The following ABHD6 variants were observed in gnomAD, a reference collection of about 807,000 sequenced individuals.
ABHD6 encodes the protein monoacylglycerol lipase ABHD6.
In ABHD6, 33 loss-of-function variants were observed where a neutral mutation model predicts 38.8. The ratio of observed to expected loss-of-function variants is 0.85; its 90% confidence interval spans 0.64 to 1.14. The LOEUF is 1.14. Ranked by LOEUF, ABHD6 falls within the 50% of genes most tolerant of loss-of-function variation. ABHD6 has a pLI of 0.00. For synonymous variants in ABHD6, 147 were observed against 161.6 expected (o/e 0.91, Z 0.69); for missense variants, 380 against 422.6 (o/e 0.90, Z 0.88).
At chr3:58,270,763 A>G (rs2097444264) in intron 5 of ABHD6, among the ~76,000 whole-genome samples, 169 bp from the exon 6 acceptor site, 1 of 152,238 alleles carries the variant, frequency 6.6e-6, no homozygotes, top group Admixed American at 6.5e-5. Context: ...AGAGAAGTCC[A>G]TGCATGCCAC....
chr3:58,289,601 A>G (rs1249184924), intron 9 of ABHD6, among the ~76,000 whole-genome samples: 3 of 152,188 alleles, frequency 2.0e-5, no homozygotes, highest in East Asian at 1.9e-4. Flanking sequence ...CTTTCTTAGT[A>G]CAGAACAAAA....
rs1157539104 is a variant in ABHD6 at position 58,263,081 on chromosome 3, G to T, written c.120-4108G>T. 6.6e-6 allele frequency among the ~76,000 whole-genome samples: 1 copy of T among 151,992 alleles called. No individual in the cohort carries two copies. Among genetic ancestry groups the T allele is most frequent in the African/African-American group, 2.4e-5 (1 of 41,364 alleles). ...AAATTAGCCAGGCGTGGTGGCACGC[G>T]CCTGTAGTCCCAGCTACTTGGGAGG... On this transcript the variant is annotated intron_variant, in intron 3 of 9. Coordinates refer to ENST00000478253, the MANE Select transcript of ABHD6 (RefSeq NM_001320126.2). This position sits in a 1 kb window ranked among gnomAD's most constrained non-coding sequence, Gnocchi z 4.9.
intron 7 of ABHD6, among the ~76,000 whole-genome samples, chr3:58,277,518 C>T (rs1482159413): frequency 3.9e-5 from 6 of 152,150 alleles, no homozygotes; most frequent in South Asian, 2.1e-4. Context: ...GGGGCTGAGA[C>T]GATGGGATTT....
chr3:58,269,549 A>C lies in ABHD6; in HGVS notation c.390+115A>C, dbSNP rs2097443358. On this transcript the variant is annotated intron_variant, in intron 5 of 9. Coordinates refer to ENST00000478253, the MANE Select transcript of ABHD6 (RefSeq NM_001320126.2). The surrounding 1 kb of genome is among the most constrained non-coding windows in gnomAD (Gnocchi z 4.4). ...CTACCTCATGACCAGTCTCCTGTAC[A>C]TTCTGTCTACAAGTGATGGCAAGCC... 1 of 785,988 alleles carries C rather than the reference A, an allele frequency of 1.3e-6. No homozygotes were observed. Among genetic ancestry groups the C allele is most frequent in the Non-Finnish European group, 2.1e-6 (1 of 475,928 alleles). The allele number at this position is 785,988 out of a possible 1,614,324, so 48.7% of individuals were successfully genotyped here.
At chr3:58,246,087 T>C (rs756638623) in intron 1 of ABHD6, among the ~76,000 whole-genome samples, 1 of 152,182 alleles carries the variant, frequency 6.6e-6, no homozygotes, top group East Asian at 1.9e-4. Context: ...CATGTACTCA[T>C]GCTAATTCAG....
rs1364109739 is a variant in ABHD6 at position 58,269,189 on chromosome 3, A to G, written c.277-132A>G. On this transcript the variant is annotated intron_variant, in intron 4 of 9. Transcript: ENST00000478253. This position sits in a 1 kb window ranked among gnomAD's most constrained non-coding sequence, Gnocchi z 4.4. The stretch of plus-strand genomic sequence containing the variant: ...GCTTATTCAATTACTGGGGTAAAAC[A>G]CTGAGTGGCCAAGACCCATACATCC... The G allele has an allele frequency of 6.3e-6, 4 of 630,166 alleles. No homozygotes were observed. The highest frequency in any genetic ancestry group is 1.2e-5 in the Non-Finnish European group (4 of 342,354). The allele number at this position is 630,166 out of a possible 1,614,324, so 39.0% of individuals were successfully genotyped here. A position where few individuals can be genotyped will look rare whatever the true frequency, so the allele number is the denominator to read the frequency against.
Position 58,285,026 on chromosome 3 carries a change from G to C in ABHD6, c.682-59G>C, listed in dbSNP as rs369895343. 1,552 of 1,508,760 alleles carry C rather than the reference G, an allele frequency of 1.0e-3. 2 individuals carry two copies. The highest frequency in any genetic ancestry group is 1.2e-3 in the Non-Finnish European group (1,322 of 1,084,030). 93.5% of individuals were successfully genotyped at this position (1,508,760 alleles called of 1,614,324 possible). On this transcript the variant is annotated intron_variant, in intron 7 of 9. Transcript: ENST00000478253. The surrounding 1 kb of genome is among the most constrained non-coding windows in gnomAD (Gnocchi z 4.9). ...TTCCCATTCATTGTCCCAGAGCTGT[G>C]AGAGGCCTGAGGAAATGAATCTTCT... is the stretch of plus-strand genomic sequence containing the variant.
intron 7 of ABHD6, among the ~76,000 whole-genome samples, chr3:58,277,595 C>T (rs1413572421): frequency 6.6e-6 from 1 of 152,112 alleles, no homozygotes; most frequent in African/African-American, 2.4e-5. Context: ...ACTGAATATC[C>T]TTTATTTATT....
rs374202427 is a variant in ABHD6 at position 58,271,540 on chromosome 3, TGA to T, written c.523+481_523+482del. Among the ~76,000 whole-genome samples, 42 of 152,202 alleles carry T rather than the reference TGA, an allele frequency of 2.8e-4. No individual in the cohort carries two copies. The South Asian group carries it at 3.7e-3, about 14-fold the overall frequency. On this transcript the variant is annotated intron_variant, in intron 6 of 9. Transcript: ENST00000478253. Reference sequence around the variant, plus strand: ...GCCCCTCTCCTTTTTTGGTAAAAACTGAGAGATCTTTATTTATTATAATAAGA... The same window carrying T: ...GCCCCTCTCCTTTTTTGGTAAAAACTGAGATCTTTATTTATTATAATAAGA...
At chr3:58,278,594 A>C (rs902637507) in intron 7 of ABHD6, among the ~76,000 whole-genome samples, 8 of 152,002 alleles carry the variant, frequency 5.3e-5, no homozygotes, top group Non-Finnish European at 1.2e-4. Context: ...TTGTGTCTCT[A>C]TCTCTTTCAG....
intron 3 of ABHD6, among the ~76,000 whole-genome samples, chr3:58,264,001 A>C (rs1177677338): frequency 6.6e-6 from 1 of 152,134 alleles, no homozygotes; most frequent in Non-Finnish European, 1.5e-5. Flanking sequence ...TGGAATCAAT[A>C]GTATTTAAAA....
chr3:58,286,860 A>ATATATGTG (rs2097457671), intron 9 of ABHD6, among the ~76,000 whole-genome samples: 2 of 121,366 alleles, frequency 1.6e-5, no homozygotes, highest in African/African-American at 7.0e-5. Flanking sequence ...GTGTATATAT[A>ATATATGTG]TATATATATG....
At chr3:58,286,846 G>T (rs55653280) in intron 9 of ABHD6, among the ~76,000 whole-genome samples, 2 of 90,224 alleles carry the variant, frequency 2.2e-5, no homozygotes, top group African/African-American at 4.2e-5. Flanking sequence ...GTGTGTGTGT[G>T]TGTGTGTATA....
At position 58,271,009 on chromosome 3, in the gene ABHD6, G is replaced by A. The variant is rs750273409; in HGVS notation, c.468G>A (p.Val156=). The change falls in exon 6 of 10, where the codon GTG becomes GTA. Residue 156 remains valine (V), a synonymous_variant. Transcript: ENST00000478253. ...GTSMGGQVAG[V]YAAYYPSDVS... ...CCATGGGTGGCCAGGTGGCTGGGGT[G>A]TATGCTGCTTACTACCCATCGGATG... 1.9e-6 allele frequency: 3 copies of A among 1,612,936 alleles called. No homozygotes were observed. The highest frequency in any genetic ancestry group is 2.5e-6 in the Non-Finnish European group (3 of 1,179,704).
At chr3:58,248,612 C>T (rs147457008) in intron 1 of ABHD6, among the ~76,000 whole-genome samples, 14 of 152,256 alleles carry the variant, frequency 9.2e-5, no homozygotes, top group African/African-American at 2.9e-4. Flanking sequence ...GCAGGAGAAT[C>T]GCTTGAACCC....
rs749537810 is a variant in ABHD6, at chr3:58,271,025, C to A, written c.484C>A (p.Pro162Thr). Residue 162 changes from proline (P) to threonine (T), a missense_variant, in exon 6 of 10, where the codon CCA becomes ACA. Transcript: ENST00000478253. ...QVAGVYAAYY[P>T]SDVSSLCLVC... ...GGCTGGGGTGTATGCTGCTTACTACCCATCGGATGTCTCCAGCCTGTGTCT... is the reference window on the plus strand; with the variant it reads ...GGCTGGGGTGTATGCTGCTTACTACACATCGGATGTCTCCAGCCTGTGTCT... 4.3e-6 allele frequency: 7 copies of A among 1,612,126 alleles called. No homozygotes were observed. Among genetic ancestry groups the A allele is most frequent in the Non-Finnish European group, 5.9e-6 (7 of 1,179,418 alleles).
intron 6 of ABHD6, 147 bp downstream of exon 6, chr3:58,271,211 C>G: frequency 1.2e-6 from 1 of 852,778 alleles, no homozygotes; most frequent in East Asian, 3.1e-5. Context: ...TCTAACCAAC[C>G]AATAGTTATA....
chr3:58,249,095 C>A (rs928266338), intron 1 of ABHD6, among the ~76,000 whole-genome samples: 1 of 152,238 alleles, frequency 6.6e-6, no homozygotes, highest in East Asian at 1.9e-4. Flanking sequence ...AAGGAAATTA[C>A]TATGTTGTCT....
At position 58,293,506 on chromosome 3, in the gene ABHD6, C is replaced by G. The variant is rs2097464815; in HGVS notation, c.838-83C>G. 6.7e-7 allele frequency: 1 copy of G among 1,487,726 alleles called. No homozygotes were observed. The highest frequency in any genetic ancestry group is 1.3e-5 in the South Asian group (1 of 78,472). The allele number at this position is 1,487,726 out of a possible 1,614,324, so 92.2% of individuals were successfully genotyped here. ...CCTGCCCCACTGACCCCTGCCAGGC[C>G]TTGGTGGAAGTTCTGTCCACAGAGT... On this transcript the variant is annotated intron_variant, in intron 9 of 9. Coordinates refer to ENST00000478253, the MANE Select transcript of ABHD6 (RefSeq NM_001320126.2). This position sits in a 1 kb window ranked among gnomAD's most constrained non-coding sequence, Gnocchi z 4.4.
Sources: gnomAD v4.1 joint callset for allele counts (sites outside exome capture counted in the v4.1 genomes callset) on GRCh38, gnomAD v4.1.1 for gene constraint, Gnocchi (gnomAD v3.1) non-coding constraint, MANE v1.5 for transcripts, NCBI Gene and HGNC (gene_info 2026-07-23, HGNC 2026-07-21) for gene names.